LPP: variants seen among roughly 807,000 people sequenced by gnomAD.
LPP encodes the protein lipoma-preferred partner.
In LPP, 38 loss-of-function variants were observed where a neutral mutation model predicts 60.4. The ratio of observed to expected loss-of-function variants is 0.63; its 90% confidence interval spans 0.49 to 0.83. The LOEUF (loss-of-function observed/expected upper bound fraction) is 0.83. Ranked by LOEUF, LPP falls within the 40% of genes least tolerant of loss-of-function variation. The pLI is 0.00. For missense variants in LPP, 902 were observed against 783.6 expected (o/e 1.15, Z -1.80); for synonymous variants, 328 against 290.8 (o/e 1.13, Z -1.30).
At chr3:188,660,644 C>CTGTGTGTGTGTG (rs1217077290) in intron 7 of LPP, among the ~76,000 whole-genome samples, 28 of 150,074 alleles carry the variant, frequency 1.9e-4, no homozygotes, top group East Asian at 3.9e-4. Context: ...TTCCAAAGAT[C>CTGTGTGTGTGTG]TGTGTGTGTG....
At chr3:188,853,220 T>G (rs1028052270) in intron 9 of LPP, among the ~76,000 whole-genome samples, 1 of 152,156 alleles carries the variant, frequency 6.6e-6, no homozygotes, top group Non-Finnish European at 1.5e-5. Flanking sequence ...GCCAGGCAGT[T>G]GCATAGGTTC....
chr3:188,853,813 C>G (rs1181784881), intron 9 of LPP, among the ~76,000 whole-genome samples: 1 of 145,706 alleles, frequency 6.9e-6, no homozygotes, highest in Non-Finnish European at 1.5e-5. Flanking sequence ...ACCATTGAAG[C>G]ACTTTAGATT....
intron 6 of LPP, among the ~76,000 whole-genome samples, chr3:188,548,327 A>G (rs1246391206): frequency 6.6e-6 from 1 of 152,196 alleles, no homozygotes; most frequent in Non-Finnish European, 1.5e-5. Context: ...GATTAAAAAC[A>G]TTCCGTGGTG....
chr3:188,757,889 G>GTTTTTTTTTTTTTTTTTTTTTTTTTTT (rs750488243), intron 8 of LPP, among the ~76,000 whole-genome samples: 11 of 78,718 alleles, frequency 1.4e-4, no homozygotes, highest in African/African-American at 5.1e-4. Context: ...TGTTTTTTTG[G>GTTTTTTTTTTTTTTTTTTTTTTTTTTT]TTTTTTTTTT....
intron 4 of LPP, among the ~76,000 whole-genome samples, chr3:188,477,148 A>C (rs1325755198): frequency 6.6e-6 from 1 of 152,194 alleles, no homozygotes; most frequent in Non-Finnish European, 1.5e-5. Context: ...TGTATCTTGG[A>C]AGTCAACATA....
chr3:188,490,751 A>AGT (rs1808096250), intron 5 of LPP, among the ~76,000 whole-genome samples: 1 of 91,746 alleles, frequency 1.1e-5, no homozygotes, highest in Non-Finnish European at 2.1e-5. Context: ...TGGCACTGGA[A>AGT]TTTTTTTTTT....
chr3:188,393,465 A>G (rs142858994), intron 3 of LPP, among the ~76,000 whole-genome samples: 2 of 152,236 alleles, frequency 1.3e-5, no homozygotes, highest in East Asian at 1.9e-4. Flanking sequence ...CTGGGAGAGG[A>G]CTTGACTGTA....
chr3:188,415,173 G>A (rs1047990064), intron 4 of LPP, among the ~76,000 whole-genome samples: 4 of 151,902 alleles, frequency 2.6e-5, no homozygotes, highest in South Asian at 2.1e-4. Context: ...TTGTCCCTCC[G>A]TATTTTACAT....
intron 4 of LPP, among the ~76,000 whole-genome samples, chr3:188,458,145 G>A (rs963533241): frequency 1.3e-5 from 2 of 152,086 alleles, no homozygotes; most frequent in African/African-American, 4.8e-5. Context: ...GAACCACAGT[G>A]GTACTATTAG....
chr3:188,659,238 A>G (rs1349657037), intron 7 of LPP, among the ~76,000 whole-genome samples: 1 of 152,230 alleles, frequency 6.6e-6, no homozygotes, highest in East Asian at 1.9e-4. Flanking sequence ...ATCGTTGAAT[A>G]CAGGTGAATA....
At chr3:188,580,818 A>G (rs1407952288) in intron 6 of LPP, among the ~76,000 whole-genome samples, 1 of 152,166 alleles carries the variant, frequency 6.6e-6, no homozygotes, top group Non-Finnish European at 1.5e-5. Context: ...TGGGCTGGCT[A>G]GGCAATCTAA....
At chr3:188,635,790 A>G (rs146496001) in intron 7 of LPP, among the ~76,000 whole-genome samples, 190 of 152,346 alleles carry the variant, frequency 1.2e-3, no homozygotes, top group African/African-American at 4.4e-3. Context: ...ATAAGCACTC[A>G]GTAAATGTTT....
intron 8 of LPP, among the ~76,000 whole-genome samples, chr3:188,722,250 G>A (rs897544782): frequency 3.3e-5 from 5 of 152,252 alleles, no homozygotes; most frequent in East Asian, 3.9e-4. Flanking sequence ...CACTAGCAGC[G>A]TCACTGTGTT....
chr3:188,263,472 A>G (rs187978966), intron 2 of LPP, among the ~76,000 whole-genome samples: 10 of 152,248 alleles, frequency 6.6e-5, no homozygotes, highest in Admixed American at 5.9e-4. Flanking sequence ...AAGGCTTTCT[A>G]TGATCTGTCC....
chr3:188,453,936 A>G (rs1461704888), intron 4 of LPP, among the ~76,000 whole-genome samples: 1 of 152,094 alleles, frequency 6.6e-6, no homozygotes, highest in Non-Finnish European at 1.5e-5. Context: ...TTTTTATCCT[A>G]TTACATTCTT....
chr3:188,864,691 G>T (rs762675985), intron 9 of LPP, among the ~76,000 whole-genome samples: 5 of 152,238 alleles, frequency 3.3e-5, no homozygotes, highest in Non-Finnish European at 7.3e-5. Flanking sequence ...AGGCACAGAA[G>T]TATGGGAGTT....
intron 7 of LPP, among the ~76,000 whole-genome samples, chr3:188,614,930 C>T (rs1213832711): frequency 6.6e-6 from 1 of 152,166 alleles, no homozygotes; most frequent in Admixed American, 6.5e-5. Context: ...TCCCCATCCC[C>T]ATCAGTCACA....
chr3:188,246,729 AT>A (rs1299621102), intron 2 of LPP, among the ~76,000 whole-genome samples: 2 of 152,220 alleles, frequency 1.3e-5, no homozygotes, highest in Non-Finnish European at 2.9e-5. Context: ...TCAGATGATT[AT>A]TTAACTGAAT....
Position 188,520,826 on chromosome 3 carries a change from G to A in LPP, c.307-3839G>A, listed in dbSNP as rs1818667036. Reference sequence around the variant, plus strand: ...TGGTAACTAGAAAAAGCATTAGTCAGGAGAATCTTCCTTGTTGCTGGCATT... The same window carrying A: ...TGGTAACTAGAAAAAGCATTAGTCAAGAGAATCTTCCTTGTTGCTGGCATT... On this transcript the variant is annotated intron_variant, in intron 5 of 11. Coordinates refer to ENST00000617246, the MANE Select transcript of LPP (RefSeq NM_001375462.1). Among the ~76,000 whole-genome samples the A allele has an allele frequency of 2.0e-5, 3 of 152,164 alleles. No individual in the cohort carries two copies. The South Asian group carries it at 6.2e-4, about 32-fold the overall frequency.
Sources: gnomAD v4.1 joint callset for allele counts (sites outside exome capture counted in the v4.1 genomes callset) on GRCh38, gnomAD v4.1.1 for gene constraint, MANE v1.5 for transcripts, NCBI Gene and HGNC (gene_info 2026-07-23, HGNC 2026-07-21) for gene names.